RP1: variants seen among roughly 807,000 people sequenced by gnomAD.
RP1 encodes the protein RP1 axonemal microtubule associated.
A neutral mutation model predicts 14.8 loss-of-function variants in RP1; 16 were observed. The observed-to-expected ratio is 1.08, with a 90% CI of 0.73 to 1.65. RP1 has a LOEUF of 1.65. Ranked by LOEUF, RP1 falls within the 40% of genes most tolerant of loss-of-function variation. The pLI, the probability that RP1 is intolerant of heterozygous loss-of-function variation, is 0.00. For missense variants in RP1, 2,631 were observed against 2,535.0 expected, an observed-to-expected ratio of 1.04 and a Z score of -0.81; for synonymous variants, 876 against 883.6, an observed-to-expected ratio of 0.99 and a Z score of 0.15.
At chr8:54,757,107 A>G (rs1363517673) in intron 21 of RP1, among the ~76,000 whole-genome samples, 3 of 152,104 alleles carry the variant, frequency 2.0e-5, no homozygotes, top group African/African-American at 7.2e-5. Context: ...GGTGCTTGGG[A>G]TATAATGGAA....
intron 12 of RP1, among the ~76,000 whole-genome samples, chr8:54,692,242 G>A (rs1052367571): frequency 4.0e-4 from 60 of 150,798 alleles, no homozygotes; most frequent in African/African-American, 1.4e-3. Context: ...TTGGTTCCAA[G>A]TCTTTGCTAT....
chr8:54,647,163 C>T (rs1046802876), intron 3 of RP1, among the ~76,000 whole-genome samples: 10 of 152,048 alleles, frequency 6.6e-5, no homozygotes, highest in East Asian at 3.9e-4. Flanking sequence ...GTAATCGTAG[C>T]GTAGCACTTT....
At chr8:54,780,183 T>A (rs1344015465) in intron 23 of RP1, among the ~76,000 whole-genome samples, 1 of 152,220 alleles carries the variant, frequency 6.6e-6, no homozygotes, top group African/African-American at 2.4e-5. Flanking sequence ...CCATGTACAA[T>A]ACATAAACAA....
At chr8:54,611,487 T>C (rs1805590166), upstream of RP1, among the ~76,000 whole-genome samples, 1 of 152,186 alleles carries the variant, frequency 6.6e-6, no homozygotes, top group African/African-American at 2.4e-5. Flanking sequence ...GAACTGCTCT[T>C]GTGAATTTTT....
At chr8:54,561,448 A>G (rs577399762) in intron 1 of RP1, among the ~76,000 whole-genome samples, 105 of 152,298 alleles carry the variant, frequency 6.9e-4, no homozygotes, top group Non-Finnish European at 1.3e-3. Flanking sequence ...GAACCATTTA[A>G]TAGCAACATA....
At chr8:54,778,809 G>C (rs1000893391) in intron 23 of RP1, among the ~76,000 whole-genome samples, 14 of 152,148 alleles carry the variant, frequency 9.2e-5, no homozygotes, top group African/African-American at 3.1e-4. Context: ...AGGCTGTAGA[G>C]GGGGTCAGTG....
At chr8:54,745,333 A>T (rs1809196167) in intron 19 of RP1, among the ~76,000 whole-genome samples, 1 of 152,200 alleles carries the variant, frequency 6.6e-6, no homozygotes, top group Admixed American at 6.5e-5. Flanking sequence ...CCTGACCTAG[A>T]TGTTATATTC....
chr8:54,715,662 G>A (rs1244378220), intron 15 of RP1, among the ~76,000 whole-genome samples: 1 of 152,108 alleles, frequency 6.6e-6, no homozygotes, highest in Non-Finnish European at 1.5e-5. Flanking sequence ...TTCCTAGAAT[G>A]GTGAATTTTA....
chr8:54,815,958 A>C, intron 24 of RP1, among the ~76,000 whole-genome samples: 1 of 152,200 alleles, frequency 6.6e-6, no homozygotes, highest in Non-Finnish European at 1.5e-5. Context: ...AACCTGTAGC[A>C]CACTGATGTA....
chr8:54,657,483 C>T (rs1806780438), intron 6 of RP1, among the ~76,000 whole-genome samples: 1 of 152,030 alleles, frequency 6.6e-6, no homozygotes, highest in African/African-American at 2.4e-5. Context: ...TTTGATAAGC[C>T]TTTAGTTATC....
intron 24 of RP1, among the ~76,000 whole-genome samples, chr8:54,795,364 T>C (rs1333037996): frequency 6.6e-6 from 1 of 151,954 alleles, no homozygotes; most frequent in Admixed American, 6.6e-5. Flanking sequence ...TAAACATAAA[T>C]AAAGCCAAAA....
chr8:54,734,596 G>A lies in RP1; in HGVS notation c.2573G>A (p.Trp858Ter). Residue 858 changes from tryptophan (W) to a stop codon, truncating the protein, a stop_gained, in exon 18 of 23, where the codon TGG (tryptophan) becomes TAG (stop). Coordinates refer to the RP1 transcript ENST00000636932. LOFTEE classifies it high-confidence loss of function. The stretch of plus-strand genomic sequence containing the variant: ...GAGACTCTTCTGTCAGAAGATGAAT[G>A]GAAGGTGTTAGTGCTGACAGGAAAT... 1 of 1,535,576 alleles carries A rather than the reference G, an allele frequency of 6.5e-7. No homozygotes were observed. The highest frequency in any genetic ancestry group is 2.4e-5 in the East Asian group (1 of 40,910).
chr8:54,811,737 C>T (rs1358454450), intron 24 of RP1, among the ~76,000 whole-genome samples: 1 of 152,200 alleles, frequency 6.6e-6, no homozygotes, highest in Non-Finnish European at 1.5e-5. Context: ...GTGTGCGAAA[C>T]ATTCACTAAC....
intron 24 of RP1, among the ~76,000 whole-genome samples, chr8:54,836,579 G>C (rs1811661418): frequency 1.3e-5 from 2 of 152,178 alleles, no homozygotes; most frequent in African/African-American, 4.8e-5. Context: ...CAAGGAAACA[G>C]GGAACTCAAT....
intron 1 of RP1, among the ~76,000 whole-genome samples, chr8:54,587,568 G>A (rs1289048553): frequency 6.6e-6 from 1 of 152,192 alleles, no homozygotes; most frequent in East Asian, 1.9e-4. Flanking sequence ...AGCTAAGAAA[G>A]GCCAAGGCAA....
intron 5 of RP1, chr8:54,652,968 C>A: frequency 1.4e-6 from 1 of 720,532 alleles, no homozygotes; most frequent in South Asian, 1.8e-5. Flanking sequence ...GAGTCCTGTA[C>A]CTTTTTAGCC....
intron 24 of RP1, among the ~76,000 whole-genome samples, chr8:54,817,329 T>A (rs1811157824): frequency 6.6e-6 from 1 of 152,184 alleles, no homozygotes; most frequent in Non-Finnish European, 1.5e-5. Context: ...TTAGGGTTGG[T>A]GTCTTGGGCA....
At chr8:54,794,731 T>C (rs1007553846) in intron 24 of RP1, among the ~76,000 whole-genome samples, 1 of 152,004 alleles carries the variant, frequency 6.6e-6, no homozygotes, top group Non-Finnish European at 1.5e-5. Flanking sequence ...ACAAACGGGC[T>C]GTATTAAACT....
rs759970980 is a variant in RP1 at position 54,824,973 on chromosome 8, A to ATTTATTTATTTATTTATTT, written c.3616-12477_3616-12476insTTTATTTATTTATTTATTT. 1.1e-4 allele frequency among the ~76,000 whole-genome samples: 16 copies of ATTTATTTATTTATTTATTT among 150,208 alleles called. 1 individual carries two copies. Among genetic ancestry groups the ATTTATTTATTTATTTATTT allele is most frequent in the African/African-American group, 3.9e-4 (16 of 40,680 alleles). On this transcript the variant is annotated intron_variant, in intron 24 of 28. Coordinates refer to the RP1 transcript ENST00000637698. Reference sequence around the variant, plus strand: ...TTCTTTTTCTTTCTTTTTTTTTTTTAATTTATTTATGAGATGGAGGCTCGC... The same window carrying ATTTATTTATTTATTTATTT: ...TTCTTTTTCTTTCTTTTTTTTTTTTATTTATTTATTTATTTATTTATTTATTTATGAGATGGAGGCTCGC...
Sources: gnomAD v4.1 joint callset for allele counts (sites outside exome capture counted in the v4.1 genomes callset) on GRCh38, gnomAD v4.1.1 for gene constraint, MANE v1.5 for transcripts, NCBI Gene and HGNC (gene_info 2026-07-23, HGNC 2026-07-21) for gene names.